Variants in MACROD2 observed in about 807,000 individuals in gnomAD.
MACROD2 encodes mono-ADP ribosylhydrolase 2.
MACROD2 carries 36 observed loss-of-function variants against 70.4 expected under a neutral mutation model. The observed-to-expected ratio is 0.51, with a 90% confidence interval of 0.39 to 0.68. MACROD2 has a LOEUF of 0.68. Ranked by LOEUF, MACROD2 falls within the 30% of genes least tolerant of loss-of-function variation. The pLI is 0.00. For synonymous variants in MACROD2, 172 were observed against 178.8 expected (o/e 0.96, Z 0.30); for missense variants, 496 against 538.4 (o/e 0.92, Z 0.78).
chr20:15,199,626 G>T (rs1323175078), intron 5 of MACROD2, among the ~76,000 whole-genome samples: 1 of 152,032 alleles, frequency 6.6e-6, no homozygotes, highest in East Asian at 1.9e-4. Flanking sequence ...GTATCTATTG[G>T]GGAAATAGAT....
chr20:15,969,757 A>G (rs960051857), intron 13 of MACROD2, among the ~76,000 whole-genome samples: 2 of 152,062 alleles, frequency 1.3e-5, no homozygotes, highest in African/African-American at 4.8e-5. Flanking sequence ...GGAAGGAGAG[A>G]GACAATTGGG....
At chr20:14,554,883 A>G (rs927636277) in intron 4 of MACROD2, among the ~76,000 whole-genome samples, 2 of 152,006 alleles carry the variant, frequency 1.3e-5, no homozygotes, top group Non-Finnish European at 2.9e-5. Flanking sequence ...AAATTTTTAT[A>G]TTTACTCATA....
chr20:14,865,648 T>TTAC (rs2073420464), intron 5 of MACROD2, among the ~76,000 whole-genome samples: 1 of 152,122 alleles, frequency 6.6e-6, no homozygotes, highest in East Asian at 1.9e-4. Context: ...TAAAACTTAA[T>TTAC]TACTACTACT....
intron 5 of MACROD2, among the ~76,000 whole-genome samples, chr20:14,732,718 C>T (rs376648030): frequency 6.6e-5 from 10 of 152,146 alleles, no homozygotes; most frequent in African/African-American, 2.4e-4. Flanking sequence ...TTCTTTTCCC[C>T]TGAAAAGTTA....
intron 5 of MACROD2, among the ~76,000 whole-genome samples, chr20:14,968,117 AG>A (rs1407398581): frequency 6.6e-6 from 1 of 152,176 alleles, no homozygotes; most frequent in Non-Finnish European, 1.5e-5. Flanking sequence ...TTGTGTATAA[AG>A]TCTTTAAATT....
At chr20:15,069,048 G>A (rs1415561450) in intron 5 of MACROD2, among the ~76,000 whole-genome samples, 1 of 152,148 alleles carries the variant, frequency 6.6e-6, no homozygotes, top group African/African-American at 2.4e-5. Context: ...AAGTTATTGG[G>A]AACTAGTGTA....
At chr20:14,305,251 C>T (rs372256573) in intron 3 of MACROD2, among the ~76,000 whole-genome samples, 6 of 152,162 alleles carry the variant, frequency 3.9e-5, no homozygotes, top group African/African-American at 1.4e-4. Context: ...TTTCTATTCC[C>T]TTCTCCTGCC....
At chr20:14,194,516 G>A (rs1220127184) in intron 3 of MACROD2, among the ~76,000 whole-genome samples, 1 of 152,048 alleles carries the variant, frequency 6.6e-6, no homozygotes, top group Non-Finnish European at 1.5e-5. Flanking sequence ...TGTGGCGAGG[G>A]GTCAAAAACA....
At chr20:14,828,274 G>A (rs939336438) in intron 5 of MACROD2, among the ~76,000 whole-genome samples, 2 of 152,026 alleles carry the variant, frequency 1.3e-5, no homozygotes, top group Non-Finnish European at 2.9e-5. Context: ...CTATTTTGAG[G>A]ATGAAAAACG....
chr20:15,257,669 C>T (rs923214799), intron 6 of MACROD2, among the ~76,000 whole-genome samples: 4 of 152,026 alleles, frequency 2.6e-5, no homozygotes, highest in African/African-American at 4.8e-5. Flanking sequence ...GCAAACCATT[C>T]TGTGCTGTCA....
chr20:14,948,802 G>A (rs1403669223), intron 5 of MACROD2, among the ~76,000 whole-genome samples: 1 of 152,142 alleles, frequency 6.6e-6, no homozygotes, highest in Non-Finnish European at 1.5e-5. Context: ...CCTAATACAG[G>A]ACTTTCGCTA....
At chr20:14,895,063 T>G (rs2073811520) in intron 5 of MACROD2, 1 of 152,060 alleles carries the variant, frequency 6.6e-6, no homozygotes, top group Non-Finnish European at 1.5e-5. Context: ...ACATGGTGAT[T>G]TAAAGGGGAT....
intron 6 of MACROD2, among the ~76,000 whole-genome samples, chr20:15,300,704 G>A (rs1021025233): frequency 6.6e-6 from 1 of 152,076 alleles, no homozygotes; most frequent in Non-Finnish European, 1.5e-5. Context: ...CATCACTGGG[G>A]CTCAGACCAC....
chr20:15,708,996 C>A (rs956406197), intron 8 of MACROD2, among the ~76,000 whole-genome samples: 5 of 152,128 alleles, frequency 3.3e-5, no homozygotes, highest in Non-Finnish European at 7.3e-5. Flanking sequence ...CCAACCCGGG[C>A]AACAGAGTGA....
chr20:14,731,248 T>C (rs2071593899), intron 5 of MACROD2, among the ~76,000 whole-genome samples: 1 of 152,134 alleles, frequency 6.6e-6, no homozygotes, highest in Non-Finnish European at 1.5e-5. Flanking sequence ...CTGGCCTACC[T>C]GGGAGGAAAC....
intron 6 of MACROD2, among the ~76,000 whole-genome samples, chr20:15,279,340 C>T (rs550559335): frequency 3.3e-5 from 5 of 152,196 alleles, no homozygotes; most frequent in South Asian, 4.2e-4. Context: ...GCAGGAAAGC[C>T]GGGCTGCTTG....
intron 2 of MACROD2, among the ~76,000 whole-genome samples, chr20:14,084,238 C>G (rs2056027891): frequency 6.6e-6 from 1 of 151,528 alleles, no homozygotes; most frequent in African/African-American, 2.4e-5. Flanking sequence ...ATTTAGGTGA[C>G]TCATAACCTA....
chr20:14,589,986 G>A (rs1247754721), intron 4 of MACROD2, among the ~76,000 whole-genome samples: 2 of 152,122 alleles, frequency 1.3e-5, no homozygotes, highest in East Asian at 1.9e-4. Flanking sequence ...TTGAGCCATG[G>A]CATACATTTG....
chr20:14,967,171 T>C (rs2074645190), intron 5 of MACROD2, among the ~76,000 whole-genome samples: 1 of 152,206 alleles, frequency 6.6e-6, no homozygotes, highest in Non-Finnish European at 1.5e-5. Context: ...TCAATTTCTT[T>C]CTAAATGATT....
Sources: gnomAD v4.1 joint callset for allele counts (sites outside exome capture counted in the v4.1 genomes callset) on GRCh38, gnomAD v4.1.1 for gene constraint, MANE v1.5 for transcripts, NCBI Gene and HGNC (gene_info 2026-07-23, HGNC 2026-07-21) for gene names.